ZDHHC14: variants seen among roughly 807,000 people sequenced by gnomAD.
ZDHHC14 encodes palmitoyltransferase ZDHHC14.
A neutral mutation model predicts 47.7 loss-of-function variants in ZDHHC14; 16 were observed. That is an observed-to-expected ratio of 0.34 (90% CI 0.23 to 0.51). ZDHHC14 has a LOEUF of 0.51. ZDHHC14 is among the 20% of genes least tolerant of loss of function. The pLI is 0.97. For missense variants in ZDHHC14, 515 were observed against 662.5 expected, an observed-to-expected ratio of 0.78 and a Z score of 2.44; for synonymous variants, 293 against 278.9, an observed-to-expected ratio of 1.05 and a Z score of -0.50.
intron 3 of ZDHHC14, among the ~76,000 whole-genome samples, chr6:157,603,268 C>T (rs1351689770): frequency 2.6e-5 from 4 of 152,224 alleles, no homozygotes; most frequent in South Asian, 2.1e-4. Context: ...CACACAGGTT[C>T]GTTCCCTGCC....
intron 3 of ZDHHC14, among the ~76,000 whole-genome samples, chr6:157,617,088 G>C (rs1247180983): frequency 2.0e-5 from 3 of 152,178 alleles, no homozygotes; most frequent in East Asian, 3.8e-4. Flanking sequence ...AGGTGAATCT[G>C]AGCATATACA....
At chr6:157,508,204 G>A (rs1780378154) in intron 1 of ZDHHC14, among the ~76,000 whole-genome samples, 1 of 152,182 alleles carries the variant, frequency 6.6e-6, no homozygotes, top group African/African-American at 2.4e-5. Flanking sequence ...ATTGTGTTGG[G>A]CATCAATACC....
chr6:157,558,842 C>G (rs1165912493), intron 2 of ZDHHC14, among the ~76,000 whole-genome samples: 5 of 151,924 alleles, frequency 3.3e-5, no homozygotes, highest in Non-Finnish European at 5.9e-5. Flanking sequence ...ATCAGAGATT[C>G]CTCTTCCCTG....
intron 1 of ZDHHC14, among the ~76,000 whole-genome samples, chr6:157,442,881 T>C (rs775452653): frequency 1.3e-5 from 2 of 152,196 alleles, no homozygotes; most frequent in Admixed American, 6.5e-5. Flanking sequence ...AAGGAAGGCT[T>C]TTCCAGAGCT....
intron 1 of ZDHHC14, among the ~76,000 whole-genome samples, chr6:157,536,593 A>G (rs1387037122): frequency 6.6e-6 from 1 of 152,150 alleles, no homozygotes; most frequent in Non-Finnish European, 1.5e-5. Context: ...CAATAATGAA[A>G]TCCATGTTTC....
chr6:157,585,213 A>T (rs1783645789), intron 2 of ZDHHC14, among the ~76,000 whole-genome samples: 1 of 152,104 alleles, frequency 6.6e-6, no homozygotes, highest in South Asian at 2.1e-4. Flanking sequence ...ATCTCAAAAA[A>T]TAAATAAATA....
rs529057510 is a variant in ZDHHC14 at position 157,524,720 on chromosome 6, G to A, written c.246-17865G>A. 2.0e-5 allele frequency among the ~76,000 whole-genome samples: 3 copies of A among 152,320 alleles called. No homozygotes were observed. The East Asian group carries it at 5.8e-4, about 29-fold the overall frequency. ...TTAAAAGGTTTTCTTACATCTAGAA[G>A]AATACCTGTGTACCACTTGGCCAAT... On this transcript the variant is annotated intron_variant, in intron 1 of 8. Transcript: ENST00000359775.
Position 157,480,656 on chromosome 6 carries a change from C to T in ZDHHC14, c.246-61929C>T, listed in dbSNP as rs549404601. On this transcript the variant is annotated intron_variant, in intron 1 of 8. Transcript: ENST00000359775. ...AGTAGACGGCTCCCACTTTGCTACC[C>T]ATGGCATGCTCTGGATTGGATCAGA... Among the ~76,000 whole-genome samples, 11 of 152,304 alleles carry T rather than the reference C, an allele frequency of 7.2e-5. No homozygotes were observed. The South Asian group carries it at 2.3e-3, about 32-fold the overall frequency.
At chr6:157,476,707 A>G (rs112748970) in intron 1 of ZDHHC14, among the ~76,000 whole-genome samples, 12,296 of 152,316 alleles carry the variant, frequency 0.081, 1,678 homozygotes, top group African/African-American at 0.28. Context: ...ATCATTCACC[A>G]TGATCAAGTG....
chr6:157,516,490 T>G (rs954367068), intron 1 of ZDHHC14, among the ~76,000 whole-genome samples: 1 of 152,246 alleles, frequency 6.6e-6, no homozygotes, highest in Non-Finnish European at 1.5e-5. Context: ...CTGGCCAGTC[T>G]TTCCCTGTCA....
intron 8 of ZDHHC14, among the ~76,000 whole-genome samples, chr6:157,655,328 T>A (rs1423812249): frequency 6.6e-6 from 1 of 152,164 alleles, no homozygotes. Flanking sequence ...CCACCTTTTT[T>A]AAGTAGGAGA....
intron 1 of ZDHHC14, among the ~76,000 whole-genome samples, chr6:157,404,405 G>A (rs1354271315): frequency 6.6e-6 from 1 of 152,156 alleles, no homozygotes; most frequent in Non-Finnish European, 1.5e-5. Context: ...AAAGTGCTGG[G>A]ATTACAGGTG....
At chr6:157,612,533 G>GC (rs941920448) in intron 3 of ZDHHC14, among the ~76,000 whole-genome samples, 1 of 152,198 alleles carries the variant, frequency 6.6e-6, no homozygotes, top group African/African-American at 2.4e-5. Context: ...AGGGAAGCCT[G>GC]CCACTGCACA....
At chr6:157,600,116 A>C (rs1020009691) in intron 3 of ZDHHC14, among the ~76,000 whole-genome samples, 2 of 152,216 alleles carry the variant, frequency 1.3e-5, no homozygotes, top group Admixed American at 6.5e-5. Context: ...AGAGCTTCGG[A>C]AAGGTTGAAT....
At chr6:157,555,788 C>T (rs1448549408) in intron 2 of ZDHHC14, among the ~76,000 whole-genome samples, 2 of 152,322 alleles carry the variant, frequency 1.3e-5, no homozygotes, top group East Asian at 3.9e-4. Flanking sequence ...GAGCAGCATC[C>T]CCACCTTCTA....
At chr6:157,450,344 T>C (rs538889375) in intron 1 of ZDHHC14, among the ~76,000 whole-genome samples, 1 of 152,112 alleles carries the variant, frequency 6.6e-6, no homozygotes, top group East Asian at 1.9e-4. Flanking sequence ...TATGCTGAGC[T>C]AAGCATTAAT....
At chr6:157,421,433 C>T (rs980664223) in intron 1 of ZDHHC14, among the ~76,000 whole-genome samples, 3 of 127,390 alleles carry the variant, frequency 2.4e-5, no homozygotes, top group East Asian at 2.6e-4. Flanking sequence ...GCGGAGCTTG[C>T]AGTGAGCTGA....
chr6:157,413,618 C>G (rs1157542348), intron 1 of ZDHHC14, among the ~76,000 whole-genome samples: 1 of 150,204 alleles, frequency 6.7e-6, no homozygotes, highest in African/African-American at 2.5e-5. Flanking sequence ...AGAAGGCAGC[C>G]AAAAATTCCT....
intron 1 of ZDHHC14, among the ~76,000 whole-genome samples, chr6:157,408,730 C>T (rs780487978): frequency 1.3e-5 from 2 of 152,112 alleles, no homozygotes; most frequent in Non-Finnish European, 2.9e-5. Flanking sequence ...GGGTTGATTC[C>T]ATGTCTTTGC....
Sources: gnomAD v4.1 joint callset for allele counts (sites outside exome capture counted in the v4.1 genomes callset) on GRCh38, gnomAD v4.1.1 for gene constraint, MANE v1.5 for transcripts, NCBI Gene and HGNC (gene_info 2026-07-23, HGNC 2026-07-21) for gene names.